The following FRY variants were observed in gnomAD, a reference collection of about 807,000 sequenced individuals.
FRY encodes protein furry homolog.
Under a neutral mutation model 348.4 loss-of-function variants are expected in FRY, and 128 were observed. The ratio of observed to expected loss-of-function variants is 0.37; its 90% CI spans 0.32 to 0.43. The LOEUF (loss-of-function observed/expected upper bound fraction) is 0.43. Among genes scored for constraint, FRY ranks in the 20% least tolerant of loss-of-function variants. FRY has a pLI of 1.00. For missense variants in FRY, 2,736 were observed against 3,695.2 expected, an observed-to-expected ratio of 0.74 and a Z score of 6.73; for synonymous variants, 1,370 against 1,374.7, an observed-to-expected ratio of 1.00 and a Z score of 0.08.
intron 29 of FRY, among the ~76,000 whole-genome samples, chr13:32,200,340 G>A (rs1310363869): frequency 1.3e-5 from 2 of 152,176 alleles, no homozygotes; most frequent in Non-Finnish European, 2.9e-5. Flanking sequence ...CAACTAATAT[G>A]TTTTTTCACC....
rs772020140 is a variant in FRY at position 32,184,595 on chromosome 13, C to T, written c.3055-5C>T. Reference sequence around the variant, plus strand: ...CTGTAAGTGATACTACCTCTTTCTACACAGAACAAGAAACGCCGAGAACGG... The same window carrying T: ...CTGTAAGTGATACTACCTCTTTCTATACAGAACAAGAAACGCCGAGAACGG... On this transcript the variant is annotated splice_polypyrimidine_tract_variant and splice_region_variant and intron_variant, in intron 24 of 60. Transcript: ENST00000542859. 1 of 1,601,432 alleles carries T rather than the reference C, an allele frequency of 6.2e-7. No homozygotes were observed. Among genetic ancestry groups the T allele is most frequent in the Non-Finnish European group, 8.6e-7 (1 of 1,168,486 alleles).
intron 4 of FRY, among the ~76,000 whole-genome samples, chr13:32,118,899 T>G (rs1053130215): frequency 6.6e-6 from 1 of 152,222 alleles, no homozygotes; most frequent in Admixed American, 6.5e-5. Flanking sequence ...TGAACAGATA[T>G]TAAACCTTCC....
At chr13:32,145,483 G>A (rs560342700) in intron 11 of FRY, among the ~76,000 whole-genome samples, 2 of 148,806 alleles carry the variant, frequency 1.3e-5, no homozygotes, top group Admixed American at 6.7e-5. Flanking sequence ...GGAATGAAGT[G>A]TCCACAGATG....
At chr13:32,149,873 T>A in intron 14 of FRY, 39 bp downstream of exon 14, 1 of 1,226,788 alleles carries the variant, frequency 8.2e-7, no homozygotes, top group Non-Finnish European at 1.2e-6. Flanking sequence ...ACAGAGCATG[T>A]CTTCCGGAGC....
intron 1 of FRY, chr13:32,061,092 T>C (rs1030583652): frequency 1.9e-6 from 1 of 533,164 alleles, no homozygotes; most frequent in Non-Finnish European, 3.8e-6. Context: ...TTTGGGTTTC[T>C]TTTCAGGCTC....
chr13:32,140,589 A>G (rs539156887), intron 11 of FRY, among the ~76,000 whole-genome samples: 5 of 152,218 alleles, frequency 3.3e-5, no homozygotes, highest in Admixed American at 3.3e-4. Flanking sequence ...AAATAAATAC[A>G]TGAGAAGAAA....
intron 36 of FRY, 137 bp from the exon 37 acceptor site, chr13:32,224,098 T>TA (rs5802638): frequency 0.57 from 446,682 of 781,912 alleles, 128,382 homozygotes; most frequent in African/African-American, 0.79. Flanking sequence ...ACCCTGTCCC[T>TA]AAAAAAAATT....
intron 18 of FRY, among the ~76,000 whole-genome samples, chr13:32,172,678 G>A (rs1446007387): frequency 2.0e-5 from 3 of 152,166 alleles, no homozygotes; most frequent in Non-Finnish European, 2.9e-5. Flanking sequence ...TGGCAGTATA[G>A]TAGCATCTGG....
At chr13:32,241,733 A>C (rs749449834) in intron 46 of FRY, among the ~76,000 whole-genome samples, 1 of 152,224 alleles carries the variant, frequency 6.6e-6, no homozygotes, top group Non-Finnish European at 1.5e-5. Flanking sequence ...CTTTTTAAAA[A>C]AATGGTTAAA....
At chr13:32,160,284 A>G (rs765741174) in intron 16 of FRY, among the ~76,000 whole-genome samples, 5 of 152,176 alleles carry the variant, frequency 3.3e-5, no homozygotes, top group Non-Finnish European at 7.3e-5. Flanking sequence ...TACTGATTCT[A>G]TATTTATGCT....
At chr13:32,231,095 A>G (rs1452567490) in intron 40 of FRY, 84 bp from the exon 41 acceptor site, 2 of 1,167,872 alleles carry the variant, frequency 1.7e-6, no homozygotes, top group Non-Finnish European at 2.5e-6. Flanking sequence ...AATATGTTAT[A>G]TGTTTGGAGT....
chr13:32,131,708 A>G lies in FRY; in HGVS notation c.753A>G (p.Leu251=), dbSNP rs1303168833. 10 of 1,613,774 alleles carry G rather than the reference A, an allele frequency of 6.2e-6. No homozygotes were observed. The East Asian group carries it at 1.8e-4, about 29-fold the overall frequency. Residue 251 remains leucine, a synonymous_variant, in exon 8 of 61, where the codon CTA becomes CTG. Transcript: ENST00000542859. The part of the protein sequence containing the change: ...PAVKKKFMAE[L]KELRHKEQNP... ...TAAAGAAGAAATTTATGGCGGAGCT[A>G]AAAGAATTACGGCACAAAGAGCAGA...
chr13:32,259,579 T>C (rs549159670), intron 51 of FRY, among the ~76,000 whole-genome samples: 70 of 152,370 alleles, frequency 4.6e-4, no homozygotes, highest in African/African-American at 1.2e-3. Context: ...CCAGAATCGC[T>C]GCCTAAGATA....
intron 7 of FRY, 41 bp downstream of exon 7, chr13:32,124,916 G>T: frequency 7.2e-7 from 1 of 1,384,408 alleles, no homozygotes; most frequent in Non-Finnish European, 1.0e-6. Flanking sequence ...GAACGTGCGT[G>T]CTTTCACTGT....
At chr13:32,142,899 T>C (rs1880167059) in intron 11 of FRY, among the ~76,000 whole-genome samples, 1 of 152,186 alleles carries the variant, frequency 6.6e-6, no homozygotes, top group Admixed American at 6.5e-5. Context: ...GATGTCTGTT[T>C]CCTAGAAAAC....
rs1322986911 is a variant in FRY at position 32,136,897 on chromosome 13, GCT to G, written c.1107_1108del (p.Val371GlnfsTer22). The stretch of plus-strand genomic sequence containing the variant: ...CCTTGTACCCCCTGGTGACCTGTTT[GCT>G]CTGTGTCAGTCAGAAGCAGCTGTTC... ...LALYPLVTCL[L>X]CVSQKQLFLN... On this transcript the variant is annotated frameshift_variant, in exon 11 of 61. Coordinates refer to ENST00000542859, the MANE Select transcript of FRY (RefSeq NM_023037.3). LOFTEE classifies it high-confidence loss of function. 1 of 1,607,882 alleles carries G rather than the reference GCT, an allele frequency of 6.2e-7. No individual in the cohort carries two copies. The highest frequency in any genetic ancestry group is 1.1e-5 in the South Asian group (1 of 90,994).
chr13:32,157,426 G>A, intron 16 of FRY, 21 bp downstream of exon 16: 2 of 1,608,694 alleles, frequency 1.2e-6, no homozygotes, highest in Non-Finnish European at 1.7e-6. Context: ...TAAAGACTAA[G>A]TTATCAGTGA....
intron 59 of FRY, chr13:32,292,136 C>A (rs1202491686): frequency 6.2e-6 from 2 of 322,672 alleles, no homozygotes; most frequent in Non-Finnish European, 1.2e-5. Flanking sequence ...GCCCGCACCA[C>A]CATGCCCAGC....
At chr13:32,053,320 C>T (rs1303733566) in intron 1 of FRY, among the ~76,000 whole-genome samples, 1 of 152,102 alleles carries the variant, frequency 6.6e-6, no homozygotes, top group Non-Finnish European at 1.5e-5. Flanking sequence ...GGAGTTGTCT[C>T]TTACCGACTA....
Sources: allele counts gnomAD v4.1 joint callset (sites outside exome capture counted in the v4.1 genomes callset), GRCh38; gene constraint gnomAD v4.1.1; transcripts MANE v1.5; gene names NCBI Gene and HGNC (gene_info 2026-07-23, HGNC 2026-07-21).